The following TMTC1 variants were observed in gnomAD, a reference collection of about 807,000 sequenced individuals.
TMTC1 encodes the protein transmembrane O-mannosyltransferase targeting cadherins 1.
In TMTC1, 73 loss-of-function variants were observed where a neutral mutation model predicts 104.8. That is an observed-to-expected ratio of 0.70 (90% confidence interval 0.58 to 0.85). The LOEUF is 0.85. Ranked by LOEUF, TMTC1 falls within the 40% of genes least tolerant of loss-of-function variation. The pLI is 0.00. For synonymous variants in TMTC1, 434 were observed against 428.7 expected (o/e 1.01, Z -0.15); for missense variants, 1,035 against 1,096.1 (o/e 0.94, Z 0.79).
chr12:29,673,783 G>T (rs1197313782), intron 5 of TMTC1, among the ~76,000 whole-genome samples: 1 of 94,966 alleles, frequency 1.1e-5, no homozygotes, highest in African/African-American at 4.1e-5. Context: ...TTTTGAGATG[G>T]AATTTTGCTC....
At position 29,692,098 on chromosome 12, in the gene TMTC1, T is replaced by C. The variant is rs1487010226; in HGVS notation, c.939-58762A>G. Among the ~76,000 whole-genome samples the C allele has an allele frequency of 1.4e-5, 2 of 145,586 alleles. 1 individual carries two copies. The highest frequency in any genetic ancestry group is 3.0e-5 in the Non-Finnish European group (2 of 66,292). On this transcript the variant is annotated intron_variant, in intron 5 of 17. Coordinates refer to ENST00000539277, the MANE Select transcript of TMTC1 (RefSeq NM_001193451.2). ...TCTCAACAAAGAATGTTCAAATTAT[T>C]ACCAATGTTTTCAGTGTGCTTGTGT... is the stretch of plus-strand genomic sequence containing the variant.
At chr12:29,548,155 G>A (rs1396762840) in intron 10 of TMTC1, among the ~76,000 whole-genome samples, 3 of 152,180 alleles carry the variant, frequency 2.0e-5, no homozygotes, top group African/African-American at 4.8e-5. Context: ...GTGGACTGGA[G>A]AGAATTTGAA....
chr12:29,597,419 A>G (rs1270328286), intron 7 of TMTC1, among the ~76,000 whole-genome samples: 2 of 151,696 alleles, frequency 1.3e-5, no homozygotes, highest in African/African-American at 2.4e-5. Flanking sequence ...GCTGCTTATG[A>G]GGATTGCTCA....
intron 5 of TMTC1, among the ~76,000 whole-genome samples, chr12:29,658,023 G>A (rs1939838906): frequency 6.6e-6 from 1 of 152,054 alleles, no homozygotes; most frequent in Non-Finnish European, 1.5e-5. Context: ...AACCAGGGAG[G>A]CGGAGGTTGC....
At chr12:29,756,003 G>GT in intron 3 of TMTC1, 118 bp from the exon 4 acceptor site, 2 of 1,075,874 alleles carry the variant, frequency 1.9e-6, no homozygotes, top group Non-Finnish European at 2.6e-6. Context: ...AATTAAGCAG[G>GT]TAAGTAGAGA....
At chr12:29,750,803 A>G (rs1943071537) in intron 5 of TMTC1, among the ~76,000 whole-genome samples, 1 of 152,234 alleles carries the variant, frequency 6.6e-6, no homozygotes, top group South Asian at 2.1e-4. Context: ...TGTAAATGGT[A>G]AAATGAAACC....
intron 10 of TMTC1, among the ~76,000 whole-genome samples, chr12:29,551,760 AT>A (rs1565665066): frequency 6.6e-6 from 1 of 151,000 alleles, no homozygotes; most frequent in Admixed American, 6.6e-5. Context: ...TAAAAAGTTC[AT>A]GCTAATCTTG....
At chr12:29,572,746 T>G (rs937065166) in intron 8 of TMTC1, among the ~76,000 whole-genome samples, 1 of 152,202 alleles carries the variant, frequency 6.6e-6, no homozygotes, top group East Asian at 1.9e-4. Context: ...CGCTTTTCCT[T>G]CTAGGGAGAA....
chr12:29,587,972 A>G (rs1946184170), intron 7 of TMTC1, among the ~76,000 whole-genome samples: 2 of 152,224 alleles, frequency 1.3e-5, no homozygotes, highest in African/African-American at 4.8e-5. Context: ...AAGAGCAGAA[A>G]AACAAGAGAG....
rs1215504982 is a variant in TMTC1, at chr12:29,501,802, T to C, written c.*5044A>G. 1 of 152,116 alleles carries C rather than the reference T, an allele frequency of 6.6e-6. No individual in the cohort carries two copies. The allele number at this position is 152,116 out of a possible 1,614,324, so 9.4% of individuals were successfully genotyped here. A position where few individuals can be genotyped will look rare whatever the true frequency, so the allele number is the denominator to read the frequency against. ...GCCCTAAAGATTTTAATTGAAAAGA[T>C]CAATTAAAATCAATATTTTAATATC... On this transcript the variant is annotated 3_prime_UTR_variant, in exon 18 of 18. Transcript: ENST00000539277.
rs1391567323 is a variant in TMTC1, at chr12:29,502,923, T to C, written c.*3923A>G. On this transcript the variant is annotated 3_prime_UTR_variant, in exon 18 of 18. Transcript: ENST00000539277. Reference sequence around the variant, plus strand: ...GAGCCACTACGTGTGAGGGAACAGATGTCAACTATCAGCTGAATGTAGCTC... The same window carrying C: ...GAGCCACTACGTGTGAGGGAACAGACGTCAACTATCAGCTGAATGTAGCTC... 1 of 152,152 alleles carries C rather than the reference T, an allele frequency of 6.6e-6. No homozygotes were observed. 9.4% of individuals were successfully genotyped at this position (152,152 alleles called of 1,614,324 possible).
intron 1 of TMTC1, among the ~76,000 whole-genome samples, chr12:29,781,662 C>G (rs569580745): frequency 6.6e-6 from 1 of 151,908 alleles, no homozygotes; most frequent in Non-Finnish European, 1.5e-5. Flanking sequence ...CCCATATCTA[C>G]AAAAAAAATT....
intron 5 of TMTC1, chr12:29,658,763 T>C (rs1203235530): frequency 1.1e-5 from 2 of 189,228 alleles, no homozygotes; most frequent in East Asian, 2.6e-4. Context: ...AGAACATCTA[T>C]GGGGTGCCTC....
chr12:29,751,594 A>G, intron 5 of TMTC1, 72 bp downstream of exon 5: 1 of 1,520,234 alleles, frequency 6.6e-7, no homozygotes, highest in Non-Finnish European at 9.1e-7. Context: ...TCACTTCCCC[A>G]GGCATCCCAG....
rs186539370 is a variant in TMTC1 at position 29,719,753 on chromosome 12, T to C, written c.938+31913A>G. ...GAATGCTTTCATAGTCCTTTTACCT[T>C]TTCAATGTCCCGCTTTCACCTGATT... On this transcript the variant is annotated intron_variant, in intron 5 of 17. Transcript: ENST00000539277. 1.4e-3 allele frequency among the ~76,000 whole-genome samples: 214 copies of C among 152,346 alleles called. 2 individuals are homozygous for C. Among genetic ancestry groups the C allele is most frequent in the African/African-American group, 4.6e-3 (193 of 41,578 alleles).
chr12:29,722,121 G>T (rs537211101), intron 5 of TMTC1, among the ~76,000 whole-genome samples: 2 of 152,230 alleles, frequency 1.3e-5, no homozygotes, highest in East Asian at 3.9e-4. Flanking sequence ...TCTTAGTATT[G>T]CTATAAGAAT....
chr12:29,606,058 C>T (rs1429746976), intron 6 of TMTC1, among the ~76,000 whole-genome samples: 4 of 152,190 alleles, frequency 2.6e-5, no homozygotes, highest in African/African-American at 7.2e-5. Flanking sequence ...TTTCTTATGG[C>T]TGCTTAGTAT....
rs377044545 is a variant in TMTC1, at chr12:29,555,134, C to T, written c.1676+1723G>A. 2.3e-3 allele frequency among the ~76,000 whole-genome samples: 204 copies of T among 88,208 alleles called. 2 individuals are homozygous for T. The highest frequency in any genetic ancestry group is 3.4e-3 in the Non-Finnish European group (170 of 50,450). The allele number at this position is 88,208 out of a possible 152,430, so 57.9% of individuals were successfully genotyped here. On this transcript the variant is annotated intron_variant, in intron 10 of 17. Transcript: ENST00000539277. ...GGGTTTAGGATTCAGTTCCAACATC[C>T]TTTTTTTTTTTTTTTTTTTTTGAGA...
chr12:29,693,792 A>C (rs2136765848), intron 5 of TMTC1, among the ~76,000 whole-genome samples: 1 of 152,256 alleles, frequency 6.6e-6, no homozygotes, highest in Non-Finnish European at 1.5e-5. Context: ...ATGTATTTTC[A>C]TAAGAGAAAA....
Sources: allele counts gnomAD v4.1 joint callset (sites outside exome capture counted in the v4.1 genomes callset), GRCh38; gene constraint gnomAD v4.1.1; transcripts MANE v1.5; gene names NCBI Gene and HGNC (gene_info 2026-07-23, HGNC 2026-07-21).